The following SIRT4 variants were observed in gnomAD, a reference collection of about 807,000 sequenced individuals.
SIRT4 encodes sirtuin 4.
Under a neutral mutation model 26.1 loss-of-function variants are expected in SIRT4, and 23 were observed. That is an observed-to-expected ratio of 0.88 (90% CI 0.63 to 1.25). The LOEUF is 1.25. SIRT4 is among the 50% of genes most tolerant of loss of function. SIRT4 has a pLI of 0.00. For synonymous variants in SIRT4, 155 were observed against 158.4 expected (o/e 0.98, Z 0.16); for missense variants, 361 against 405.4 (o/e 0.89, Z 0.94).
intron 2 of SIRT4, among the ~76,000 whole-genome samples, chr12:120,305,365 C>T (rs1011131786): frequency 2.6e-5 from 4 of 151,866 alleles, no homozygotes; most frequent in Non-Finnish European, 5.9e-5. Flanking sequence ...ATCCTTTCAC[C>T]CCAGCCTCCT....
chr12:120,303,413 T>G (rs1226508833), intron 1 of SIRT4, 148 bp from the exon 2 acceptor site: 4 of 870,152 alleles, frequency 4.6e-6, no homozygotes, highest in Non-Finnish European at 6.8e-6. Flanking sequence ...AGGCGGCGGT[T>G]ACAGTGAGCC....
the SIRT4 span, among the ~76,000 whole-genome samples, chr12:120,292,207 C>G: frequency 6.6e-6 from 1 of 152,254 alleles, no homozygotes; most frequent in East Asian, 1.9e-4. Flanking sequence ...GGAAAGCGAG[C>G]CTGGAGGGCG....
chr12:120,301,125 T>A (rs1872526821), upstream of SIRT4, among the ~76,000 whole-genome samples: 1 of 152,162 alleles, frequency 6.6e-6, no homozygotes, highest in African/African-American at 2.4e-5. Flanking sequence ...GGTGGGCAGA[T>A]CACGAGGTCA....
chr12:120,297,466 T>C (rs1796726620), upstream of SIRT4, among the ~76,000 whole-genome samples: 1 of 149,490 alleles, frequency 6.7e-6, no homozygotes, highest in Non-Finnish European at 1.5e-5. Flanking sequence ...CAAGTGAAAT[T>C]GTGTGTTTCA....
At chr12:120,300,389 A>C (rs1872502713), upstream of SIRT4, among the ~76,000 whole-genome samples, 1 of 152,108 alleles carries the variant, frequency 6.6e-6, no homozygotes, top group Non-Finnish European at 1.5e-5. Context: ...CAAAAACCTA[A>C]AAACTCTTTC....
chr12:120,293,929 G>C, the SIRT4 span, among the ~76,000 whole-genome samples: 1 of 150,476 alleles, frequency 6.6e-6, no homozygotes, highest in African/African-American at 2.4e-5. Context: ...TGTTTTTAAG[G>C]TTCATCCATG....
chr12:120,299,677 C>T (rs1432439478), upstream of SIRT4, among the ~76,000 whole-genome samples: 1 of 152,070 alleles, frequency 6.6e-6, no homozygotes, highest in Non-Finnish European at 1.5e-5. Flanking sequence ...CACTCATATA[C>T]AAGTGGTGAG....
chr12:120,306,628 C>G (rs1471332521), intron 2 of SIRT4, among the ~76,000 whole-genome samples: 3 of 152,044 alleles, frequency 2.0e-5, no homozygotes, highest in East Asian at 3.9e-4. Context: ...ACGGTGAAAC[C>G]CCATCTCTAC....
Position 120,313,155 on chromosome 12 carries a change from A to C in SIRT4, c.*119A>C. 2 of 1,133,580 alleles carry C rather than the reference A, an allele frequency of 1.8e-6. No homozygotes were observed. The highest frequency in any genetic ancestry group is 4.7e-5 in the East Asian group (2 of 42,568). 70.2% of individuals were successfully genotyped at this position (1,133,580 alleles called of 1,614,324 possible). A position where few individuals can be genotyped will look rare whatever the true frequency, so the allele number is the denominator to read the frequency against. ...CCATTCAACAGAGTAGGGTGCACTG[A>C]CAAAGTATAGAAGGTTCTAGGTATC... On this transcript the variant is annotated 3_prime_UTR_variant, in exon 4 of 4. Transcript: ENST00000202967.
rs756480708 is a variant in SIRT4, at chr12:120,303,526, C to T, written c.-1-35C>T. ...AAAAAATGAGAAAAAAAAAAAACCA[C>T]CCCAGTTTCTCACATGAGGCTTCTT... On this transcript the variant is annotated intron_variant, in intron 1 of 3. Transcript: ENST00000202967. 1.6e-5 allele frequency: 25 copies of T among 1,544,192 alleles called. No homozygotes were observed. The Admixed American group carries it at 5.6e-4, about 34-fold the overall frequency.
intron 1 of SIRT4, 147 bp from the exon 2 acceptor site, chr12:120,303,413 TA>T (rs1218195797): frequency 4.6e-6 from 4 of 870,152 alleles, no homozygotes; most frequent in Non-Finnish European, 6.8e-6. Context: ...AGGCGGCGGT[TA>T]CAGTGAGCCA....
chr12:120,294,580 C>T, the SIRT4 span, among the ~76,000 whole-genome samples: 57 of 151,198 alleles, frequency 3.8e-4, no homozygotes, highest in South Asian at 9.0e-3. Flanking sequence ...TTTGAGACAG[C>T]TTTTGGCTCT....
At chr12:120,304,831 ATATATTTTTTTTT>A (rs1376699874) in intron 2 of SIRT4, among the ~76,000 whole-genome samples, 185 of 5,608 alleles carry the variant, frequency 0.033, no homozygotes, top group African/African-American at 0.089. Context: ...ATATATATAT[ATATATTTTTTTTT>A]TTTTTTTTTT....
chr12:120,291,913 C>CA, the SIRT4 span: 72 of 151,550 alleles, frequency 4.8e-4, no homozygotes, highest in African/African-American at 1.7e-3. Context: ...TGGAAAGGTT[C>CA]TGTTCGCGCC....
chr12:120,304,062 C>T lies in SIRT4; in HGVS notation c.497+4C>T. The T allele has an allele frequency of 6.2e-7, 1 of 1,604,894 alleles. No individual in the cohort carries two copies. Among genetic ancestry groups the T allele is most frequent in the South Asian group, 1.1e-5 (1 of 91,028 alleles). ...AGCTCCACGGATGCATGGACAGGTG[C>T]AGGAGCTGTACACGGTTTGAACGCA... On this transcript the variant is annotated splice_donor_region_variant and intron_variant, in intron 2 of 3. Coordinates refer to ENST00000202967, the MANE Select transcript of SIRT4 (RefSeq NM_012240.3).
At chr12:120,304,837 T>TATATATATATATATATATA in intron 2 of SIRT4, among the ~76,000 whole-genome samples, 1 of 9,012 alleles carries the variant, frequency 1.1e-4, no homozygotes, top group Admixed American at 1.8e-3. Context: ...ATATATATAT[T>TATATATATATATATATATA]TTTTTTTTTT....
upstream of SIRT4, among the ~76,000 whole-genome samples, chr12:120,298,196 C>CAAAAAA (rs56752571): frequency 3.8e-4 from 8 of 21,052 alleles, no homozygotes; most frequent in African/African-American, 1.3e-3. Flanking sequence ...AACTCCATCT[C>CAAAAAA]AAAAAAAAAA....
intron 2 of SIRT4, among the ~76,000 whole-genome samples, chr12:120,304,310 G>A (rs1342880010): frequency 6.6e-6 from 1 of 152,164 alleles, no homozygotes; most frequent in Non-Finnish European, 1.5e-5. Flanking sequence ...TCCTGTGAGG[G>A]ACCCTCCAAC....
chr12:120,295,418 AAT>A, the SIRT4 span, among the ~76,000 whole-genome samples: 11 of 37,562 alleles, frequency 2.9e-4, no homozygotes, highest in Middle Eastern at 0.012. Context: ...ATATATAGAT[AAT>A]TTTTTTTTTT....
Sources: allele counts gnomAD v4.1 joint callset (sites outside exome capture counted in the v4.1 genomes callset), GRCh38; gene constraint gnomAD v4.1.1; transcripts MANE v1.5; gene names NCBI Gene and HGNC (gene_info 2026-07-23, HGNC 2026-07-21).